The following ADGRL3 variants were observed in gnomAD, a reference collection of about 807,000 sequenced individuals.
ADGRL3 encodes adhesion G protein-coupled receptor L3, also known as calcium-independent alpha-latrotoxin receptor 3.
ADGRL3 carries 62 observed loss-of-function variants against 153.5 expected under a neutral mutation model. The observed-to-expected ratio is 0.40, with a 90% confidence interval of 0.33 to 0.50. The LOEUF is 0.50. Ranked by LOEUF, ADGRL3 falls within the 20% of genes least tolerant of loss-of-function variation. The pLI is 0.47. For synonymous variants in ADGRL3, 710 were observed against 672.5 expected, an observed-to-expected ratio of 1.06 and a Z score of -0.86; for missense variants, 1,641 against 1,859.4, an observed-to-expected ratio of 0.88 and a Z score of 2.16.
intron 8 of ADGRL3, among the ~76,000 whole-genome samples, chr4:61,798,296 T>G (rs556945991): frequency 6.6e-6 from 1 of 152,302 alleles, no homozygotes; most frequent in African/African-American, 2.4e-5. Flanking sequence ...CCCTAGTATG[T>G]GACTATTGCT....
At chr4:61,370,267 G>T (rs1023104354) in intron 1 of ADGRL3, among the ~76,000 whole-genome samples, 32 of 132,918 alleles carry the variant, frequency 2.4e-4, no homozygotes, top group African/African-American at 6.9e-4. Context: ...CTTGCCTTCT[G>T]CTAGCTTTTG....
At chr4:62,053,446 T>A (rs1346391304) in intron 25 of ADGRL3, among the ~76,000 whole-genome samples, 1 of 151,546 alleles carries the variant, frequency 6.6e-6, no homozygotes, top group Non-Finnish European at 1.5e-5. Flanking sequence ...ATAAGCTTTC[T>A]TCATAATTTG....
At chr4:61,644,842 T>C (rs1225565821) in intron 5 of ADGRL3, among the ~76,000 whole-genome samples, 1 of 152,104 alleles carries the variant, frequency 6.6e-6, no homozygotes. Flanking sequence ...GGTATCCTTG[T>C]TGACTTTCTG....
At chr4:61,430,780 C>A (rs1304890207) in intron 2 of ADGRL3, among the ~76,000 whole-genome samples, 1 of 152,070 alleles carries the variant, frequency 6.6e-6, no homozygotes, top group Non-Finnish European at 1.5e-5. Flanking sequence ...CACTAAATGA[C>A]TATGTAGAAT....
intron 5 of ADGRL3, among the ~76,000 whole-genome samples, chr4:61,603,467 T>G (rs2149556204): frequency 6.6e-6 from 1 of 152,330 alleles, no homozygotes; most frequent in South Asian, 2.1e-4. Flanking sequence ...CTACTCATTT[T>G]CTATATAGCT....
chr4:61,246,242 C>G (rs1459428780), intron 1 of ADGRL3, among the ~76,000 whole-genome samples: 1 of 152,006 alleles, frequency 6.6e-6, no homozygotes, highest in African/African-American at 2.4e-5. Flanking sequence ...CCCTCACTGC[C>G]TTGAAAGCCC....
chr4:61,630,067 T>G (rs1304831347), intron 5 of ADGRL3, among the ~76,000 whole-genome samples: 2 of 152,146 alleles, frequency 1.3e-5, no homozygotes, highest in African/African-American at 2.4e-5. Flanking sequence ...TTTCTTTAAA[T>G]GTGAAAGACT....
chr4:61,634,886 T>G (rs2093348622), intron 5 of ADGRL3, among the ~76,000 whole-genome samples: 1 of 152,182 alleles, frequency 6.6e-6, no homozygotes, highest in Non-Finnish European at 1.5e-5. Flanking sequence ...ATTTTTGGAA[T>G]GAACATTTTT....
At chr4:61,408,199 G>T (rs1186011631) in intron 2 of ADGRL3, among the ~76,000 whole-genome samples, 1 of 152,012 alleles carries the variant, frequency 6.6e-6, no homozygotes, top group Non-Finnish European at 1.5e-5. Flanking sequence ...TTTTTTTAAA[G>T]ATCACATAAA....
At chr4:61,868,938 T>C (rs905104746) in intron 9 of ADGRL3, among the ~76,000 whole-genome samples, 6 of 152,120 alleles carry the variant, frequency 3.9e-5, no homozygotes, top group African/African-American at 9.7e-5. Flanking sequence ...AAAGGTAATT[T>C]TTTTTTTCTT....
chr4:61,582,123 T>G (rs1313477678), intron 4 of ADGRL3, among the ~76,000 whole-genome samples: 3 of 152,088 alleles, frequency 2.0e-5, no homozygotes, highest in African/African-American at 7.2e-5. Context: ...TAGGGCAGTC[T>G]GAAGATTTTC....
At chr4:61,708,151 T>G (rs2095887710) in intron 6 of ADGRL3, among the ~76,000 whole-genome samples, 1 of 152,148 alleles carries the variant, frequency 6.6e-6, no homozygotes, top group Non-Finnish European at 1.5e-5. Context: ...AATATTTTCA[T>G]GTTTATTCAT....
At chr4:62,058,496 G>A (rs889346344) in intron 25 of ADGRL3, among the ~76,000 whole-genome samples, 1 of 152,010 alleles carries the variant, frequency 6.6e-6, no homozygotes, top group South Asian at 2.1e-4. Context: ...TTGAGTTCTA[G>A]GGATTATTTA....
At chr4:61,438,796 C>T (rs981267997) in intron 2 of ADGRL3, among the ~76,000 whole-genome samples, 1 of 151,582 alleles carries the variant, frequency 6.6e-6, no homozygotes, top group African/African-American at 2.4e-5. Flanking sequence ...CAAGCTCCGC[C>T]TCCCGGGTTC....
In ADGRL3 at chr4:61,649,420, A is replaced by G. The variant is rs144201079; in HGVS notation, c.474-27406A>G. On this transcript the variant is annotated intron_variant, in intron 5 of 26. Coordinates refer to ENST00000683033, the MANE Select transcript of ADGRL3 (RefSeq NM_001387552.1). ...TTTAATTCTCAGAACCTGTTCGCCT[A>G]TTGCTTGTATACCTTCAGTCCTCCA... 2.8e-4 allele frequency among the ~76,000 whole-genome samples: 43 copies of G among 152,204 alleles called. 1 individual carries two copies. In the East Asian group the frequency reaches 6.2e-3, roughly 22 times the overall value.
At chr4:61,695,713 C>T (rs567763768) in intron 6 of ADGRL3, among the ~76,000 whole-genome samples, 2 of 152,256 alleles carry the variant, frequency 1.3e-5, no homozygotes, top group South Asian at 2.1e-4. Context: ...TACTAGATAG[C>T]GTCTTCTTCC....
At chr4:61,799,008 T>C (rs2097452108) in intron 8 of ADGRL3, among the ~76,000 whole-genome samples, 1 of 79,180 alleles carries the variant, frequency 1.3e-5, no homozygotes, top group East Asian at 3.6e-4. Context: ...AGTATATATA[T>C]ATATATATAT....
chr4:61,245,412 G>C (rs924139530), intron 1 of ADGRL3, among the ~76,000 whole-genome samples: 4 of 152,036 alleles, frequency 2.6e-5, no homozygotes, highest in Admixed American at 2.0e-4. Context: ...AGTCTGGAAT[G>C]CTACGTCAAT....
chr4:61,478,585 A>G (rs1388241424), intron 2 of ADGRL3, among the ~76,000 whole-genome samples: 1 of 152,050 alleles, frequency 6.6e-6, no homozygotes, highest in African/African-American at 2.4e-5. Context: ...GGCTTCTGCT[A>G]TGTATTTTCA....
Sources: gnomAD v4.1 joint callset for allele counts (sites outside exome capture counted in the v4.1 genomes callset) on GRCh38, gnomAD v4.1.1 for gene constraint, MANE v1.5 for transcripts, NCBI Gene and HGNC (gene_info 2026-07-23, HGNC 2026-07-21) for gene names.